The following SGCZ variants were observed in gnomAD, a reference collection of about 807,000 sequenced individuals.
SGCZ encodes zeta-sarcoglycan.
In SGCZ, 40 loss-of-function variants were observed where a neutral mutation model predicts 41.3. The observed-to-expected ratio is 0.97, with a 90% CI of 0.75 to 1.26. The LOEUF (loss-of-function observed/expected upper bound fraction) is 1.26. SGCZ is among the 50% of genes most tolerant of loss of function. The probability of loss-of-function intolerance (pLI) is 0.00; values close to 1 mark genes in which losing one functional copy is unlikely to be tolerated. For synonymous variants in SGCZ, 206 were observed against 137.5 expected (o/e 1.50, Z -3.49); for missense variants, 552 against 369.8 (o/e 1.49, Z -4.04).
At chr8:14,493,107 T>A (rs1445169533) in intron 2 of SGCZ, among the ~76,000 whole-genome samples, 3 of 152,046 alleles carry the variant, frequency 2.0e-5, no homozygotes, top group Non-Finnish European at 4.4e-5. Context: ...GCAAATACAA[T>A]TTGCATTGTA....
intron 1 of SGCZ, among the ~76,000 whole-genome samples, chr8:14,675,854 G>C (rs1430322688): frequency 1.3e-5 from 2 of 152,176 alleles, no homozygotes; most frequent in South Asian, 4.1e-4. Context: ...CAGATTTGGG[G>C]GACCCAAACA....
At chr8:14,761,415 C>G (rs1010668588) in intron 1 of SGCZ, among the ~76,000 whole-genome samples, 6 of 151,794 alleles carry the variant, frequency 4.0e-5, no homozygotes, top group Admixed American at 1.3e-4. Flanking sequence ...CAATGGAAAA[C>G]AAAGCAGTCT....
intron 2 of SGCZ, among the ~76,000 whole-genome samples, chr8:14,513,577 G>A (rs559993138): frequency 9.5e-6 from 1 of 105,568 alleles, no homozygotes; most frequent in Non-Finnish European, 2.0e-5. Flanking sequence ...AGCCCTTTCA[G>A]TCTATTTAAT....
intron 1 of SGCZ, among the ~76,000 whole-genome samples, chr8:14,717,256 G>A (rs1809722441): frequency 6.6e-6 from 1 of 152,052 alleles, no homozygotes; most frequent in African/African-American, 2.4e-5. Context: ...TTAAGCAAAT[G>A]ATTATAGAGT....
chr8:14,137,556 A>G (rs941244713), intron 5 of SGCZ, among the ~76,000 whole-genome samples: 4 of 152,230 alleles, frequency 2.6e-5, no homozygotes, highest in Admixed American at 2.0e-4. Flanking sequence ...AGATGATTCA[A>G]TCAAGTGGAA....
intron 4 of SGCZ, among the ~76,000 whole-genome samples, chr8:14,206,762 G>T (rs929660433): frequency 6.6e-6 from 1 of 152,146 alleles, no homozygotes; most frequent in East Asian, 1.9e-4. Flanking sequence ...TGTTAGGAAT[G>T]GCCATGCCAG....
chr8:14,541,371 G>T (rs951595832), intron 2 of SGCZ, among the ~76,000 whole-genome samples: 10 of 151,742 alleles, frequency 6.6e-5, no homozygotes, highest in African/African-American at 2.2e-4. Context: ...TCATTGTTCA[G>T]CTCCGAGTGA....
intron 2 of SGCZ, among the ~76,000 whole-genome samples, chr8:14,370,693 CTAGT>C (rs1478275943): frequency 5.3e-5 from 8 of 151,824 alleles, no homozygotes; most frequent in African/African-American, 1.9e-4. Context: ...ATTAAGCATA[CTAGT>C]TACACAGCGA....
At chr8:14,418,707 A>G (rs1337751293) in intron 2 of SGCZ, among the ~76,000 whole-genome samples, 2 of 152,112 alleles carry the variant, frequency 1.3e-5, no homozygotes, top group East Asian at 1.9e-4. Flanking sequence ...CAATCAATTT[A>G]TATTTTATAA....
chr8:15,217,300 C>T (rs1415525859), intron 1 of SGCZ, among the ~76,000 whole-genome samples: 2 of 151,428 alleles, frequency 1.3e-5, no homozygotes, highest in Non-Finnish European at 2.9e-5. Flanking sequence ...GCCTGTAGTC[C>T]CAGCTACTTG....
At position 14,139,876 on chromosome 8, in the gene SGCZ, C is replaced by A. The variant is rs113331518; in HGVS notation, c.547+24704G>T. ...CTGACACCAAAGCCTGGCAGAGACA[C>A]AACAAAAAAACAGAATTTTAGATCA... On this transcript the variant is annotated intron_variant, in intron 5 of 7. Transcript: ENST00000382080. Among the ~76,000 whole-genome samples, 1,057 of 152,114 alleles carry A rather than the reference C, an allele frequency of 6.9e-3. 11 individuals carry two copies. The highest frequency in any genetic ancestry group is 0.023 in the African/African-American group (966 of 41,504).
In SGCZ at chr8:14,120,215, G is replaced by A. The variant is rs538335501; in HGVS notation, c.548-11980C>T. 2.6e-5 allele frequency among the ~76,000 whole-genome samples: 4 copies of A among 152,190 alleles called. No individual in the cohort carries two copies. In the East Asian group the frequency reaches 5.8e-4, roughly 22 times the overall value. On this transcript the variant is annotated intron_variant, in intron 5 of 7. Transcript: ENST00000382080. ...ACTGGAATATAAGTTTGGTTTAATG[G>A]CAGACAATTAATAAAATTCACCATA...
intron 1 of SGCZ, among the ~76,000 whole-genome samples, chr8:14,786,414 G>C (rs1402833419): frequency 1.3e-5 from 2 of 151,882 alleles, no homozygotes; most frequent in African/African-American, 4.8e-5. Flanking sequence ...TGAAATGAAA[G>C]GATTATGAAA....
At chr8:14,219,206 C>T (rs1372916320) in intron 4 of SGCZ, among the ~76,000 whole-genome samples, 1 of 152,132 alleles carries the variant, frequency 6.6e-6, no homozygotes, top group Admixed American at 6.5e-5. Flanking sequence ...CAAGAAGAAG[C>T]TCCAAAGCAC....
At chr8:14,442,246 C>T (rs1010173624) in intron 2 of SGCZ, among the ~76,000 whole-genome samples, 1 of 152,110 alleles carries the variant, frequency 6.6e-6, no homozygotes, top group Non-Finnish European at 1.5e-5. Context: ...ATCATGAGAT[C>T]CGGTCTTGCC....
At chr8:14,198,899 C>A (rs993747692) in intron 4 of SGCZ, among the ~76,000 whole-genome samples, 2 of 152,134 alleles carry the variant, frequency 1.3e-5, no homozygotes, top group African/African-American at 4.8e-5. Context: ...CTATGGCTGT[C>A]TTTACTTTAA....
intron 5 of SGCZ, among the ~76,000 whole-genome samples, chr8:14,118,341 A>G (rs1206942336): frequency 6.6e-6 from 1 of 152,162 alleles, no homozygotes; most frequent in Non-Finnish European, 1.5e-5. Flanking sequence ...GGTGTTTTTC[A>G]TAATTGTTGG....
intron 1 of SGCZ, among the ~76,000 whole-genome samples, chr8:14,606,364 C>T (rs1314638109): frequency 6.6e-6 from 1 of 152,156 alleles, no homozygotes; most frequent in Admixed American, 6.5e-5. Flanking sequence ...AAGTTCTAGC[C>T]ACAATGGCTT....
chr8:14,905,726 C>T (rs1318028863), intron 1 of SGCZ, among the ~76,000 whole-genome samples: 1 of 151,728 alleles, frequency 6.6e-6, no homozygotes, highest in Non-Finnish European at 1.5e-5. Flanking sequence ...GTAAAGATGT[C>T]ATCAGAAGCT....
Sources: gnomAD v4.1 joint callset for allele counts (sites outside exome capture counted in the v4.1 genomes callset) on GRCh38, gnomAD v4.1.1 for gene constraint, MANE v1.5 for transcripts, NCBI Gene and HGNC (gene_info 2026-07-23, HGNC 2026-07-21) for gene names.